The following SYNE1 variants were observed in gnomAD, a reference collection of about 807,000 sequenced individuals.
SYNE1 encodes the protein spectrin repeat containing nuclear envelope protein 1.
A neutral mutation model predicts 1,111.0 loss-of-function variants in SYNE1; 616 were observed. The observed-to-expected ratio is 0.55, with a 90% CI of 0.52 to 0.59. SYNE1 has a LOEUF of 0.59. SYNE1 is among the 20% of genes least tolerant of loss of function. The pLI, the probability that SYNE1 is intolerant of heterozygous loss-of-function variation, is 0.00. For synonymous variants in SYNE1, 3,855 were observed against 3,825.8 expected, an observed-to-expected ratio of 1.01 and a Z score of -0.28; for missense variants, 10,006 against 10,417.0, an observed-to-expected ratio of 0.96 and a Z score of 1.72.
chr6:152,453,744 T>G (rs1332970760), intron 24 of SYNE1, 24 bp from the exon 25 acceptor site: 3 of 1,613,938 alleles, frequency 1.9e-6, no homozygotes, highest in African/African-American at 2.7e-5. Context: ...GGAAAGTGGG[T>G]AAGAGTGTTG....
At chr6:152,205,890 G>A (rs1217651244) in intron 126 of SYNE1, among the ~76,000 whole-genome samples, 2 of 152,126 alleles carry the variant, frequency 1.3e-5, no homozygotes, top group African/African-American at 4.8e-5. Context: ...CATGGCTAAG[G>A]TTTCATACTG....
At position 152,526,118 on chromosome 6, in the gene SYNE1, G is replaced by A. The variant is rs1254022931; in HGVS notation, c.187C>T (p.Leu63=). ...GACAGGACCTCCAGAAGGGCAAGCA[G>A]TTTAACACCATCTTTCATGTCTTCA... ...LFEDMKDGVK[L]LALLEVLSGQ... Residue 63 remains leucine (L), a synonymous_variant, in exon 5 of 146, where the codon CTG becomes TTG. Transcript: ENST00000367255. 6 of 1,614,122 alleles carry A rather than the reference G, an allele frequency of 3.7e-6. No individual in the cohort carries two copies. Among genetic ancestry groups the A allele is most frequent in the African/African-American group, 2.7e-5 (2 of 75,060 alleles).
intron 6 of SYNE1, among the ~76,000 whole-genome samples, chr6:152,516,448 G>A (rs996990078): frequency 2.0e-5 from 3 of 152,056 alleles, no homozygotes; most frequent in Non-Finnish European, 2.9e-5. Flanking sequence ...TAAAGTTTTC[G>A]CCAAGGCTTC....
chr6:152,281,517 C>T (rs1034777204), intron 97 of SYNE1, among the ~76,000 whole-genome samples: 1 of 152,152 alleles, frequency 6.6e-6, no homozygotes, highest in Non-Finnish European at 1.5e-5. Context: ...GCTTTGTATT[C>T]CTTAATAAGT....
At chr6:152,137,017 T>C (rs1193766290) in intron 140 of SYNE1, among the ~76,000 whole-genome samples, 199 bp from the exon 141 acceptor site, 1 of 151,854 alleles carries the variant, frequency 6.6e-6, no homozygotes, top group African/African-American at 2.4e-5. Context: ...CTTAACAACA[T>C]GGATGAATCT....
intron 3 of SYNE1, among the ~76,000 whole-genome samples, chr6:152,609,035 A>G (rs1327791268): frequency 1.3e-5 from 2 of 152,108 alleles, no homozygotes; most frequent in Non-Finnish European, 2.9e-5. Flanking sequence ...TCCAGTCTGC[A>G]GCTCCCAGAG....
chr6:152,628,208 A>G lies in SYNE1; in HGVS notation c.67+57T>C, dbSNP rs558267306. On this transcript the variant is annotated intron_variant, in intron 3 of 145. Transcript: ENST00000367255. ...GTAAAACCCCAAACAAATTTAACTG[A>G]TTGTGGGTTAAGATGGTATTTGAAT... 19 of 1,572,206 alleles carry G rather than the reference A, an allele frequency of 1.2e-5. No homozygotes were observed. In the South Asian group the frequency reaches 2.0e-4, roughly 17 times the overall value.
intron 3 of SYNE1, among the ~76,000 whole-genome samples, chr6:152,624,303 A>G (rs553333805): frequency 1.1e-4 from 16 of 152,300 alleles, no homozygotes; most frequent in African/African-American, 3.1e-4. Flanking sequence ...CAACACTGAT[A>G]TGTTCATTTT....
chr6:152,273,735 ATTCTTGTGTG>A (rs2093384901), intron 98 of SYNE1, among the ~76,000 whole-genome samples: 1 of 152,226 alleles, frequency 6.6e-6, no homozygotes, highest in Non-Finnish European at 1.5e-5. Flanking sequence ...CCACTTGTAA[ATTCTTGTGTG>A]ATAATAGCTA....
At chr6:152,337,627 C>T (rs1252512421) in intron 75 of SYNE1, among the ~76,000 whole-genome samples, 2 of 152,166 alleles carry the variant, frequency 1.3e-5, no homozygotes, top group African/African-American at 4.8e-5. Flanking sequence ...AGGTCTAAAG[C>T]TGCTCTGATG....
At chr6:152,310,249 C>T in intron 89 of SYNE1, 147 bp downstream of exon 89, 3 of 1,279,430 alleles carry the variant, frequency 2.3e-6, no homozygotes, top group Non-Finnish European at 3.2e-6. Context: ...CGAGACCAGC[C>T]TGGCCAACAT....
intron 38 of SYNE1, among the ~76,000 whole-genome samples, chr6:152,427,391 AC>A (rs2098376287): frequency 6.6e-6 from 1 of 152,118 alleles, no homozygotes; most frequent in Non-Finnish European, 1.5e-5. Flanking sequence ...CTATATTCCT[AC>A]CCATCCTTTC....
intron 3 of SYNE1, among the ~76,000 whole-genome samples, chr6:152,578,071 G>GT (rs544454166): frequency 1.2e-3 from 180 of 151,488 alleles, no homozygotes; most frequent in Non-Finnish European, 2.1e-3. Context: ...AGCAAAAATG[G>GT]TTTTTTTTGC....
chr6:152,534,459 T>C (rs931566601), intron 4 of SYNE1, among the ~76,000 whole-genome samples: 1 of 152,164 alleles, frequency 6.6e-6, no homozygotes, highest in Admixed American at 6.5e-5. Flanking sequence ...AATTATTTTT[T>C]CCCTGGCTTT....
At chr6:152,458,646 A>AT (rs1298026231) in intron 22 of SYNE1, 111 bp downstream of exon 22, 2 of 1,174,020 alleles carry the variant, frequency 1.7e-6, no homozygotes, top group African/African-American at 3.0e-5. Context: ...TAGTAGTACT[A>AT]TTCTAGAAAA....
Position 152,262,182 on chromosome 6 carries a change from T to G in SYNE1, c.18822A>C (p.Lys6274Asn). ...CCAACTCCTGGGATAACACATCAGGTTTTTCGCTATTAGAAGAATAAATAA... is the reference window on the plus strand; with the variant it reads ...CCAACTCCTGGGATAACACATCAGGGTTTTCGCTATTAGAAGAATAAATAA... ...AAETSGDAGE[K>N]PDVLSQELGM... Residue 6274 changes from lysine (K) to asparagine (N), a missense_variant, in exon 101 of 146, where the codon AAA becomes AAC. Physicochemically the swap from Lys to Asn is moderately conservative, Grantham distance 94. Around this residue, in one of 7 missense-constraint regions of SYNE1, gnomAD observed 2,182 missense variants for 2,287.8 expected, o/e 0.95. Transcript: ENST00000367255. 1 of 1,613,518 alleles carries G rather than the reference T, an allele frequency of 6.2e-7. No homozygotes were observed. Among genetic ancestry groups the G allele is most frequent in the Middle Eastern group, 1.7e-4 (1 of 6,058 alleles).
chr6:152,483,520 C>T (rs972944112), intron 13 of SYNE1, among the ~76,000 whole-genome samples: 3 of 152,036 alleles, frequency 2.0e-5, no homozygotes, highest in Non-Finnish European at 2.9e-5. Context: ...TTTCCTCTTA[C>T]AGGAGTAGCA....
chr6:152,139,690 AAAAG>A (rs1487017305), intron 140 of SYNE1, among the ~76,000 whole-genome samples: 5 of 93,408 alleles, frequency 5.4e-5, no homozygotes, highest in African/African-American at 1.3e-4. Context: ...GAAAGAAAGA[AAAAG>A]AAAGAGAAAA....
intron 72 of SYNE1, among the ~76,000 whole-genome samples, chr6:152,348,290 G>A (rs1432161738): frequency 1.2e-4 from 19 of 152,200 alleles, no homozygotes; most frequent in Admixed American, 1.2e-3. Flanking sequence ...CCAGGCTTTA[G>A]ACACAGCTCG....
Sources: allele counts gnomAD v4.1 joint callset (sites outside exome capture counted in the v4.1 genomes callset), GRCh38; gene constraint gnomAD v4.1.1; regional missense constraint gnomAD v4.1.1; transcripts MANE v1.5; gene names NCBI Gene and HGNC (gene_info 2026-07-23, HGNC 2026-07-21).